The following WASF2 variants were observed in gnomAD, a reference collection of about 807,000 sequenced individuals.
WASF2 encodes actin-binding protein WASF2.
In WASF2, 14 loss-of-function variants were observed where a neutral mutation model predicts 45.0. The ratio of observed to expected loss-of-function variants is 0.31; its 90% CI spans 0.21 to 0.49. The LOEUF (loss-of-function observed/expected upper bound fraction) is 0.49, where lower values mean the gene tolerates loss of function less well. Among genes scored for constraint, WASF2 ranks in the 20% least tolerant of loss-of-function variants. The pLI, the probability that WASF2 is intolerant of heterozygous loss-of-function variation, is 0.99. For synonymous variants in WASF2, 200 were observed against 236.3 expected, an observed-to-expected ratio of 0.85 and a Z score of 1.41; for missense variants, 439 against 636.1, an observed-to-expected ratio of 0.69 and a Z score of 3.33.
chr1:27,429,567 G>C (rs906946498), intron 1 of WASF2, among the ~76,000 whole-genome samples: 2 of 152,152 alleles, frequency 1.3e-5, no homozygotes, highest in African/African-American at 4.8e-5. Flanking sequence ...CCTAAGGCCA[G>C]GAGTTCGAGA....
intron 1 of WASF2, among the ~76,000 whole-genome samples, chr1:27,462,580 A>G (rs1557615865): frequency 6.6e-6 from 1 of 152,146 alleles, no homozygotes; most frequent in African/African-American, 2.4e-5. Flanking sequence ...AGCTGGTATG[A>G]CAGGCATGAG....
chr1:27,460,158 C>G (rs772695687), intron 1 of WASF2, among the ~76,000 whole-genome samples: 2 of 152,070 alleles, frequency 1.3e-5, no homozygotes, highest in Non-Finnish European at 2.9e-5. Context: ...ATGCATTTAC[C>G]AGCTCCTCTC....
intron 1 of WASF2, among the ~76,000 whole-genome samples, chr1:27,471,212 G>GCGGGCGCCTGTAGTCC (rs1557619639): frequency 1.3e-5 from 2 of 151,350 alleles, no homozygotes; most frequent in Admixed American, 6.6e-5. Context: ...GGGCGTAGTG[G>GCGGGCGCCTGTAGTCC]CGGGCGCCTG....
chr1:27,446,884 C>T (rs1443923081), intron 1 of WASF2, among the ~76,000 whole-genome samples: 1 of 152,050 alleles, frequency 6.6e-6, no homozygotes, highest in African/African-American at 2.4e-5. Flanking sequence ...TCCCTGGGAC[C>T]ACCCGTGAGC....
At chr1:27,484,322 G>C (rs2017894324) in intron 1 of WASF2, among the ~76,000 whole-genome samples, 1 of 152,140 alleles carries the variant, frequency 6.6e-6, no homozygotes, top group African/African-American at 2.4e-5. Flanking sequence ...GCCATTTAAA[G>C]AAACCACCCA....
At chr1:27,486,645 T>A (rs2017929675) in intron 1 of WASF2, among the ~76,000 whole-genome samples, 1 of 152,110 alleles carries the variant, frequency 6.6e-6, no homozygotes, top group Non-Finnish European at 1.5e-5. Context: ...AAGACTCAGC[T>A]GGGCGTGGTG....
chr1:27,461,505 G>C (rs146113734), intron 1 of WASF2, among the ~76,000 whole-genome samples: 7 of 142,510 alleles, frequency 4.9e-5, no homozygotes, highest in African/African-American at 1.3e-4. Context: ...CTGTCTCCCC[G>C]GCTGGAGTGC....
intron 1 of WASF2, among the ~76,000 whole-genome samples, chr1:27,451,070 T>C (rs897884539): frequency 6.6e-6 from 1 of 152,000 alleles, no homozygotes; most frequent in Non-Finnish European, 1.5e-5. Flanking sequence ...AAAGCATACA[T>C]ATATATTGTC....
intron 1 of WASF2, among the ~76,000 whole-genome samples, chr1:27,448,060 C>T (rs2017333395): frequency 6.6e-6 from 1 of 152,148 alleles, no homozygotes; most frequent in Non-Finnish European, 1.5e-5. Context: ...GCTCACACAC[C>T]CCGCGGGAGG....
intron 1 of WASF2, among the ~76,000 whole-genome samples, chr1:27,487,610 T>C (rs2017956703): frequency 1.0e-5 from 1 of 100,360 alleles, no homozygotes; most frequent in African/African-American, 4.2e-5. Context: ...ATATAATATA[T>C]ATTATATATA....
chr1:27,444,156 T>C (rs531666100), intron 1 of WASF2, among the ~76,000 whole-genome samples: 10 of 152,176 alleles, frequency 6.6e-5, no homozygotes, highest in Non-Finnish European at 1.2e-4. Flanking sequence ...ACGTGACTCA[T>C]GCAGCTTCAG....
chr1:27,485,144 T>C (rs2017906500), intron 1 of WASF2, among the ~76,000 whole-genome samples: 1 of 151,756 alleles, frequency 6.6e-6, no homozygotes, highest in Non-Finnish European at 1.5e-5. Flanking sequence ...GAGCGAAACT[T>C]GGTCTCAAAA....
At chr1:27,453,048 A>C (rs888097370) in intron 1 of WASF2, among the ~76,000 whole-genome samples, 1 of 149,108 alleles carries the variant, frequency 6.7e-6, no homozygotes, top group African/African-American at 2.5e-5. Context: ...ACTACTAAAA[A>C]TACAAAAAAT....
At chr1:27,476,245 G>C (rs947727317) in intron 1 of WASF2, among the ~76,000 whole-genome samples, 5 of 152,176 alleles carry the variant, frequency 3.3e-5, no homozygotes, top group Non-Finnish European at 5.9e-5. Flanking sequence ...AGAAATATCT[G>C]AGACTGGGTA....
At chr1:27,447,704 G>C (rs556408001) in intron 1 of WASF2, among the ~76,000 whole-genome samples, 370 of 152,296 alleles carry the variant, frequency 2.4e-3, no homozygotes, top group Non-Finnish European at 3.4e-3. Context: ...ACCTGATGAT[G>C]ATCACAGTGC....
chr1:27,443,455 C>A (rs2017270708), intron 1 of WASF2, among the ~76,000 whole-genome samples: 1 of 151,548 alleles, frequency 6.6e-6, no homozygotes. Flanking sequence ...CTCTACTAAA[C>A]CACAAAAACT....
At chr1:27,439,801 T>C (rs1367233682) in intron 1 of WASF2, among the ~76,000 whole-genome samples, 2 of 151,600 alleles carry the variant, frequency 1.3e-5, no homozygotes, top group Non-Finnish European at 2.9e-5. Context: ...GAGGTCAAGA[T>C]TAGCCTGGGC....
chr1:27,435,891 A>G (rs552260861), intron 1 of WASF2, among the ~76,000 whole-genome samples: 2 of 152,370 alleles, frequency 1.3e-5, no homozygotes, highest in Admixed American at 6.5e-5. Flanking sequence ...ACATCCAAAA[A>G]GCAAACATAT....
In WASF2 at chr1:27,489,348, TACACACAC is replaced by T. The variant is rs10636716; in HGVS notation, c.-44+630_-44+637del. On this transcript the variant is annotated intron_variant, in intron 1 of 8. Coordinates refer to ENST00000618852, the MANE Select transcript of WASF2 (RefSeq NM_006990.5). ...AACGAGCACCTCAATTACTTCATGG[TACACACAC>T]ACACACACACACACACACACACACA... is the stretch of plus-strand genomic sequence containing the variant. Among the ~76,000 whole-genome samples, 101 of 10,022 alleles carry T rather than the reference TACACACAC, an allele frequency of 0.01. 1 individual carries two copies. The East Asian group carries it at 0.11, about 11-fold the overall frequency. 6.6% of individuals were successfully genotyped at this position (10,022 alleles called of 152,430 possible).
Sources: allele counts gnomAD v4.1 joint callset (sites outside exome capture counted in the v4.1 genomes callset), GRCh38; gene constraint gnomAD v4.1.1; transcripts MANE v1.5; gene names NCBI Gene and HGNC (gene_info 2026-07-23, HGNC 2026-07-21).